Variants in PTPRD observed in about 807,000 individuals in gnomAD.
PTPRD encodes the protein receptor-type tyrosine-protein phosphatase delta.
A neutral mutation model predicts 214.5 loss-of-function variants in PTPRD; 34 were observed. The observed-to-expected ratio is 0.16, with a 90% CI of 0.12 to 0.21. The LOEUF is 0.21. PTPRD is among the 10% of genes least tolerant of loss of function. PTPRD has a pLI of 1.00. For missense variants in PTPRD, 2,545 were observed against 2,398.7 expected (o/e 1.06, Z -1.27); for synonymous variants, 1,128 against 845.7 (o/e 1.33, Z -5.79).
At chr9:8,785,796 TATAGTCA>T (rs1307768967) in intron 11 of PTPRD, among the ~76,000 whole-genome samples, 2 of 152,224 alleles carry the variant, frequency 1.3e-5, no homozygotes, top group African/African-American at 4.8e-5. Context: ...TAGCTGAGGT[TATAGTCA>T]ATATACAGAT....
chr9:8,526,009 G>C (rs1413270572), intron 17 of PTPRD, among the ~76,000 whole-genome samples: 2 of 152,108 alleles, frequency 1.3e-5, no homozygotes, highest in African/African-American at 4.8e-5. Flanking sequence ...AAGCATTGCT[G>C]TCAGATTGTA....
At chr9:8,469,716 T>C (rs981480941) in intron 31 of PTPRD, among the ~76,000 whole-genome samples, 6 of 152,086 alleles carry the variant, frequency 3.9e-5, no homozygotes, top group African/African-American at 1.2e-4. Flanking sequence ...ATGACATTAT[T>C]GAAATAATGT....
At chr9:9,278,794 T>G (rs1946601030) in intron 9 of PTPRD, among the ~76,000 whole-genome samples, 1 of 151,402 alleles carries the variant, frequency 6.6e-6, no homozygotes, top group South Asian at 2.1e-4. Context: ...ATTAAATATC[T>G]GCCTGGGATA....
intron 11 of PTPRD, among the ~76,000 whole-genome samples, chr9:8,990,162 C>G (rs566673975): frequency 3.0e-4 from 45 of 152,036 alleles, no homozygotes; most frequent in Non-Finnish European, 5.9e-4. Flanking sequence ...ACTAAGAGTA[C>G]AAGTTTACAT....
intron 3 of PTPRD, among the ~76,000 whole-genome samples, chr9:10,275,701 C>G (rs2094643458): frequency 6.6e-6 from 1 of 152,094 alleles, no homozygotes; most frequent in Admixed American, 6.5e-5. Flanking sequence ...TTCACCTGTC[C>G]CAGAATTGCA....
chr9:10,075,870 C>G (rs1555553569), intron 3 of PTPRD, among the ~76,000 whole-genome samples: 1 of 152,094 alleles, frequency 6.6e-6, no homozygotes, highest in Non-Finnish European at 1.5e-5. Context: ...TCTGCTTCAT[C>G]TTCTATAACG....
intron 3 of PTPRD, among the ~76,000 whole-genome samples, chr9:10,115,320 TAG>T (rs2098721882): frequency 6.6e-6 from 1 of 152,102 alleles, no homozygotes. Flanking sequence ...TATTGAATTA[TAG>T]AGAGTCATAA....
intron 9 of PTPRD, among the ~76,000 whole-genome samples, chr9:9,205,948 T>C (rs2099944624): frequency 6.6e-6 from 1 of 152,178 alleles, no homozygotes; most frequent in Non-Finnish European, 1.5e-5. Flanking sequence ...TACTGGGATG[T>C]AGTGAGTATA....
chr9:10,359,501 T>G (rs748779146), intron 2 of PTPRD, among the ~76,000 whole-genome samples: 1 of 152,074 alleles, frequency 6.6e-6, no homozygotes, highest in Admixed American at 6.6e-5. Context: ...TCTCAAAAAA[T>G]GCTAACATTA....
At chr9:8,519,267 A>G (rs2097846065) in intron 20 of PTPRD, among the ~76,000 whole-genome samples, 1 of 152,216 alleles carries the variant, frequency 6.6e-6, no homozygotes, top group Non-Finnish European at 1.5e-5. Context: ...TAGCTACATG[A>G]CAAATATTTG....
chr9:9,447,044 G>C (rs2090654791), intron 8 of PTPRD, among the ~76,000 whole-genome samples: 1 of 152,136 alleles, frequency 6.6e-6, no homozygotes, highest in Non-Finnish European at 1.5e-5. Flanking sequence ...TGGAGACAAA[G>C]GAACGCTATA....
intron 31 of PTPRD, among the ~76,000 whole-genome samples, chr9:8,468,985 CAT>C (rs1338548769): frequency 7.2e-5 from 11 of 151,916 alleles, no homozygotes; most frequent in African/African-American, 2.7e-4. Context: ...CCAGTCAATG[CAT>C]ATCTTATTTC....
At chr9:10,554,815 C>T (rs912393989) in intron 2 of PTPRD, among the ~76,000 whole-genome samples, 4 of 152,212 alleles carry the variant, frequency 2.6e-5, no homozygotes, top group Admixed American at 6.5e-5. Context: ...CGCCCGCCAC[C>T]ACGCCCGGCT....
chr9:9,664,540 C>G (rs919735334), intron 7 of PTPRD, among the ~76,000 whole-genome samples: 2 of 151,592 alleles, frequency 1.3e-5, no homozygotes, highest in Non-Finnish European at 3.0e-5. Context: ...AGCATTCAAA[C>G]TAAATGGAAA....
At chr9:10,200,131 G>A (rs977494913) in intron 3 of PTPRD, among the ~76,000 whole-genome samples, 1 of 151,998 alleles carries the variant, frequency 6.6e-6, no homozygotes, top group Non-Finnish European at 1.5e-5. Context: ...ACCCTTGAAA[G>A]ACTCATGCTT....
At chr9:9,037,622 G>T (rs562497417) in intron 10 of PTPRD, among the ~76,000 whole-genome samples, 8 of 152,180 alleles carry the variant, frequency 5.3e-5, no homozygotes, top group Admixed American at 5.2e-4. Context: ...ATAACTAAGG[G>T]CTTAAGGTAA....
At chr9:9,992,097 C>T (rs1160349056) in intron 4 of PTPRD, among the ~76,000 whole-genome samples, 5 of 152,048 alleles carry the variant, frequency 3.3e-5, no homozygotes, top group African/African-American at 9.7e-5. Context: ...AGGCTGTGGG[C>T]GGTAGAATGG....
intron 8 of PTPRD, among the ~76,000 whole-genome samples, chr9:9,425,762 T>A (rs2080629990): frequency 6.6e-6 from 1 of 152,116 alleles, no homozygotes; most frequent in Admixed American, 6.5e-5. Context: ...TACATTTGGT[T>A]AGGAAAATCA....
chr9:9,873,187 A>G (rs1398494395), intron 5 of PTPRD, among the ~76,000 whole-genome samples: 1 of 152,152 alleles, frequency 6.6e-6, no homozygotes, highest in Non-Finnish European at 1.5e-5. Flanking sequence ...TCACCAATGT[A>G]TTGGGAACAT....
Sources: gnomAD v4.1 joint callset for allele counts (sites outside exome capture counted in the v4.1 genomes callset) on GRCh38, gnomAD v4.1.1 for gene constraint, MANE v1.5 for transcripts, NCBI Gene and HGNC (gene_info 2026-07-23, HGNC 2026-07-21) for gene names.